NOS1AP: variants seen among roughly 807,000 people sequenced by gnomAD.
NOS1AP encodes the protein carboxyl-terminal PDZ ligand of neuronal nitric oxide synthase protein.
NOS1AP carries 21 observed loss-of-function variants against 56.2 expected under a neutral mutation model. The observed-to-expected ratio is 0.37, with a 90% CI of 0.26 to 0.54. The LOEUF is 0.54. NOS1AP is among the 20% of genes least tolerant of loss of function. The pLI, the probability that NOS1AP is intolerant of heterozygous loss-of-function variation, is 0.84. For missense variants in NOS1AP, 522 were observed against 657.8 expected (o/e 0.79, Z 2.26); for synonymous variants, 270 against 274.6 (o/e 0.98, Z 0.17).
chr1:162,305,447 C>A (rs763901212), intron 4 of NOS1AP, among the ~76,000 whole-genome samples: 1 of 151,180 alleles, frequency 6.6e-6, no homozygotes, highest in Non-Finnish European at 1.5e-5. Context: ...GGAAGTGATT[C>A]GCTATTACAG....
At chr1:162,075,210 C>G (rs1429415738) in intron 1 of NOS1AP, among the ~76,000 whole-genome samples, 1 of 152,158 alleles carries the variant, frequency 6.6e-6, no homozygotes, top group East Asian at 1.9e-4. Flanking sequence ...CCTCCCAAGC[C>G]TCAACATCAG....
At chr1:162,275,956 G>A (rs1483113996) in intron 2 of NOS1AP, among the ~76,000 whole-genome samples, 2 of 152,128 alleles carry the variant, frequency 1.3e-5, no homozygotes, top group East Asian at 3.9e-4. Context: ...GATCAACTCT[G>A]GCCCACTGAG....
intron 2 of NOS1AP, among the ~76,000 whole-genome samples, chr1:162,262,301 T>G (rs924136206): frequency 1.1e-4 from 17 of 152,150 alleles, no homozygotes; most frequent in African/African-American, 3.9e-4. Context: ...TAGTGGCCAA[T>G]GTATTTTCGG....
intron 6 of NOS1AP, among the ~76,000 whole-genome samples, chr1:162,354,718 A>G (rs1657636574): frequency 6.6e-6 from 1 of 152,194 alleles, no homozygotes; most frequent in African/African-American, 2.4e-5. Context: ...CTGTCCATCT[A>G]ACTGAGCTTC....
intron 1 of NOS1AP, among the ~76,000 whole-genome samples, chr1:162,115,733 A>G (rs1415258): frequency 0.54 from 82,171 of 152,006 alleles, 23,415 homozygotes; most frequent in Non-Finnish European, 0.64. Context: ...CAGGTGTAAA[A>G]CATTGGTTTC....
chr1:162,088,126 G>A (rs1323784158), intron 1 of NOS1AP, among the ~76,000 whole-genome samples: 1 of 152,112 alleles, frequency 6.6e-6, no homozygotes, highest in Non-Finnish European at 1.5e-5. Flanking sequence ...GATTTCTGTA[G>A]AAATTCAAGC....
intron 6 of NOS1AP, among the ~76,000 whole-genome samples, chr1:162,352,045 G>A (rs538829792): frequency 6.8e-6 from 1 of 146,564 alleles, no homozygotes; most frequent in Non-Finnish European, 1.5e-5. Flanking sequence ...TGCTTTGTAG[G>A]CTCTGCTTCT....
chr1:162,294,222 A>AGGAAGGAAGGAAGGAAG (rs1368335883), intron 3 of NOS1AP, among the ~76,000 whole-genome samples: 3 of 147,732 alleles, frequency 2.0e-5, no homozygotes, highest in Admixed American at 6.7e-5. Context: ...GAAGGAAGGA[A>AGGAAGGAAGGAAGGAAG]GGAAGAAAGA....
At chr1:162,281,635 T>C (rs1654931180) in intron 2 of NOS1AP, among the ~76,000 whole-genome samples, 1 of 152,126 alleles carries the variant, frequency 6.6e-6, no homozygotes, top group South Asian at 2.1e-4. Flanking sequence ...ATTTTAGGCA[T>C]AGGGAATAGC....
chr1:162,207,612 G>A (rs1034940769), intron 2 of NOS1AP, among the ~76,000 whole-genome samples: 1 of 152,196 alleles, frequency 6.6e-6, no homozygotes, highest in African/African-American at 2.4e-5. Context: ...CTGGCAGGGA[G>A]CAAATGTTCA....
chr1:162,101,018 A>G (rs1647238346), intron 1 of NOS1AP, among the ~76,000 whole-genome samples: 1 of 152,134 alleles, frequency 6.6e-6, no homozygotes, highest in South Asian at 2.1e-4. Context: ...TCCTGTGCCT[A>G]TGTCCTGAAT....
At chr1:162,198,117 G>A (rs186972439) in intron 2 of NOS1AP, among the ~76,000 whole-genome samples, 46 of 152,334 alleles carry the variant, frequency 3.0e-4, no homozygotes, top group African/African-American at 1.1e-3. Flanking sequence ...TGATGAGGGA[G>A]GGATGGGCAC....
chr1:162,243,569 C>G (rs902993826), intron 2 of NOS1AP, among the ~76,000 whole-genome samples: 2 of 152,138 alleles, frequency 1.3e-5, no homozygotes, highest in Non-Finnish European at 2.9e-5. Context: ...AAATCTCTTC[C>G]CCATCTCCAA....
At chr1:162,226,948 G>C (rs1652965354) in intron 2 of NOS1AP, among the ~76,000 whole-genome samples, 1 of 151,418 alleles carries the variant, frequency 6.6e-6, no homozygotes, top group Non-Finnish European at 1.5e-5. Context: ...CAGAGGGCCA[G>C]TTTGTCTAAG....
chr1:162,121,316 C>T (rs568017549), intron 1 of NOS1AP, among the ~76,000 whole-genome samples: 7 of 151,766 alleles, frequency 4.6e-5, no homozygotes, highest in Non-Finnish European at 8.8e-5. Flanking sequence ...TTAGTGGAGA[C>T]GGGGTTTGGC....
At chr1:162,133,165 C>T (rs185282347) in intron 1 of NOS1AP, among the ~76,000 whole-genome samples, 30 of 152,244 alleles carry the variant, frequency 2.0e-4, no homozygotes, top group African/African-American at 4.1e-4. Flanking sequence ...TATATTAGTA[C>T]GCTTAATTTG....
chr1:162,323,607 C>G (rs1656485701), intron 4 of NOS1AP, among the ~76,000 whole-genome samples: 1 of 152,220 alleles, frequency 6.6e-6, no homozygotes, highest in Admixed American at 6.5e-5. Context: ...GGTAAACACA[C>G]AATAGATTAG....
chr1:162,329,135 A>G (rs1198187807), intron 4 of NOS1AP, among the ~76,000 whole-genome samples: 1 of 152,258 alleles, frequency 6.6e-6, no homozygotes, highest in East Asian at 1.9e-4. Flanking sequence ...GTCTGTGGAC[A>G]TATGATGAAT....
At position 162,093,108 on chromosome 1, in the gene NOS1AP, G is replaced by A. The variant is rs554489606; in HGVS notation, c.105+22826G>A. On this transcript the variant is annotated intron_variant, in intron 1 of 9. Transcript: ENST00000361897. ...AACATCCCTTAGGTAGTGAAAGGCAGTTCCCAGTAGACCTAGGCCTCTAGA... is the reference window on the plus strand; with the variant it reads ...AACATCCCTTAGGTAGTGAAAGGCAATTCCCAGTAGACCTAGGCCTCTAGA... 2.4e-4 allele frequency among the ~76,000 whole-genome samples: 36 copies of A among 152,312 alleles called. No homozygotes were observed. In the South Asian group the frequency reaches 7.0e-3, roughly 30 times the overall value.
Sources: allele counts gnomAD v4.1 joint callset (sites outside exome capture counted in the v4.1 genomes callset), GRCh38; gene constraint gnomAD v4.1.1; transcripts MANE v1.5; gene names NCBI Gene and HGNC (gene_info 2026-07-23, HGNC 2026-07-21).